Variants in AAGAB observed in about 807,000 individuals in gnomAD.
AAGAB encodes alpha and gamma adaptin binding protein.
In AAGAB, 38 loss-of-function variants were observed where a neutral mutation model predicts 44.1. That is an observed-to-expected ratio of 0.86 (90% CI 0.67 to 1.13). AAGAB has a LOEUF of 1.13. Among genes scored for constraint, AAGAB ranks in the 50% most tolerant of loss-of-function variants. The pLI, the probability that AAGAB is intolerant of heterozygous loss-of-function variation, is 0.00. For missense variants in AAGAB, 450 were observed against 373.8 expected (o/e 1.20, Z -1.68); for synonymous variants, 131 against 131.8 (o/e 0.99, Z 0.04).
intron 5 of AAGAB, among the ~76,000 whole-genome samples, chr15:67,225,882 T>C (rs1964192351): frequency 6.6e-6 from 1 of 152,218 alleles, no homozygotes; most frequent in African/African-American, 2.4e-5. Context: ...CTTCGGTATA[T>C]AGCTAGGAGT....
intron 7 of AAGAB, among the ~76,000 whole-genome samples, chr15:67,205,979 G>T (rs565348705): frequency 6.6e-6 from 1 of 152,090 alleles, no homozygotes; most frequent in African/African-American, 2.4e-5. Context: ...TATGACCATG[G>T]TACAATTATA....
At chr15:67,241,090 A>G (rs1964588379) in intron 1 of AAGAB, among the ~76,000 whole-genome samples, 2 of 149,650 alleles carry the variant, frequency 1.3e-5, no homozygotes, top group Admixed American at 1.3e-4. Flanking sequence ...ATATATAAAC[A>G]TGCACACACA....
chr15:67,219,519 G>A (rs1045525040), intron 5 of AAGAB, among the ~76,000 whole-genome samples: 1 of 152,166 alleles, frequency 6.6e-6, no homozygotes, highest in African/African-American at 2.4e-5. Context: ...ACAGCAGCAT[G>A]GGTGCAGCTG....
At chr15:67,224,315 T>G (rs956379030) in intron 5 of AAGAB, among the ~76,000 whole-genome samples, 1 of 152,132 alleles carries the variant, frequency 6.6e-6, no homozygotes, top group African/African-American at 2.4e-5. Context: ...AGAAGAAAAC[T>G]CAAATGGCCC....
chr15:67,203,183 GA>G (rs1379352153), intron 9 of AAGAB, among the ~76,000 whole-genome samples: 1 of 152,166 alleles, frequency 6.6e-6, no homozygotes, highest in East Asian at 1.9e-4. Flanking sequence ...GTCCAAAAGG[GA>G]ACAGGATAAA....
intron 5 of AAGAB, among the ~76,000 whole-genome samples, chr15:67,222,242 G>GCGCGCGCGCGCACACACACA (rs1367738219): frequency 2.2e-5 from 2 of 90,044 alleles, no homozygotes; most frequent in Admixed American, 1.4e-4. Flanking sequence ...GCGCGCGCGC[G>GCGCGCGCGCGCACACACACA]CACACACACA....
At chr15:67,208,680 A>T in intron 6 of AAGAB, 22 bp from the exon 7 acceptor site, 1 of 1,600,476 alleles carries the variant, frequency 6.2e-7, no homozygotes, top group Non-Finnish European at 8.6e-7. Context: ...AATACACATA[A>T]GCAACAATTT....
At chr15:67,226,172 G>C (rs1964200151) in intron 5 of AAGAB, among the ~76,000 whole-genome samples, 1 of 151,328 alleles carries the variant, frequency 6.6e-6, no homozygotes, top group Non-Finnish European at 1.5e-5. Context: ...TCACTCTGTT[G>C]CCCAGGCTGG....
chr15:67,239,870 G>C (rs186954316), intron 1 of AAGAB, among the ~76,000 whole-genome samples: 1 of 152,226 alleles, frequency 6.6e-6, no homozygotes, highest in African/African-American at 2.4e-5. Flanking sequence ...TATTCAAACT[G>C]TGCACATGGC....
intron 1 of AAGAB, among the ~76,000 whole-genome samples, chr15:67,248,830 AG>A (rs1391917019): frequency 6.6e-6 from 1 of 152,148 alleles, no homozygotes; most frequent in Non-Finnish European, 1.5e-5. Context: ...TGAGGACCGG[AG>A]GGTTATTTCT....
chr15:67,218,875 C>T (rs891932815), intron 5 of AAGAB, among the ~76,000 whole-genome samples: 1 of 152,200 alleles, frequency 6.6e-6, no homozygotes, highest in Non-Finnish European at 1.5e-5. Flanking sequence ...CCTTGAGCTA[C>T]AGCCAAACTT....
chr15:67,245,997 G>A (rs2140394609), intron 1 of AAGAB, among the ~76,000 whole-genome samples: 1 of 152,206 alleles, frequency 6.6e-6, no homozygotes, highest in Non-Finnish European at 1.5e-5. Context: ...TTCCACTTCT[G>A]TGTCAAACCA....
At chr15:67,223,666 C>A (rs1964135372) in intron 5 of AAGAB, among the ~76,000 whole-genome samples, 1 of 152,198 alleles carries the variant, frequency 6.6e-6, no homozygotes, top group South Asian at 2.1e-4. Context: ...CACAGAGCAG[C>A]CAGAGTGATC....
intron 1 of AAGAB, among the ~76,000 whole-genome samples, chr15:67,251,215 CGTGT>C (rs759231047): frequency 6.3e-5 from 9 of 143,624 alleles, no homozygotes; most frequent in Admixed American, 1.4e-4. Flanking sequence ...ATTTTAAGTG[CGTGT>C]GTGTGTGTGT....
chr15:67,242,429 CAAAAAAAAAAAAAAAAAAAAA>C (rs59817309), intron 1 of AAGAB, among the ~76,000 whole-genome samples: 2 of 58,756 alleles, frequency 3.4e-5, no homozygotes, highest in African/African-American at 5.5e-5. Flanking sequence ...GACTCCGTCT[CAAAAAAAAAAAAAAAAAAAAA>C]AAAAAAAAAA....
chr15:67,226,416 C>T (rs1157504929), intron 5 of AAGAB, among the ~76,000 whole-genome samples: 1 of 152,186 alleles, frequency 6.6e-6, no homozygotes, highest in Non-Finnish European at 1.5e-5. Flanking sequence ...GACACCATGC[C>T]TGGCCAACGT....
At chr15:67,221,653 G>C (rs182697266) in intron 5 of AAGAB, among the ~76,000 whole-genome samples, 73 of 152,340 alleles carry the variant, frequency 4.8e-4, no homozygotes, top group African/African-American at 1.7e-3. Flanking sequence ...AACGTCTTCA[G>C]AGGGCTTGTA....
At chr15:67,226,174 C>A (rs1323927898) in intron 5 of AAGAB, among the ~76,000 whole-genome samples, 2 of 151,844 alleles carry the variant, frequency 1.3e-5, no homozygotes, top group Admixed American at 1.3e-4. Context: ...ACTCTGTTGC[C>A]CAGGCTGGAG....
At chr15:67,204,225 C>T in intron 7 of AAGAB, 77 bp from the exon 8 acceptor site, 1 of 1,018,240 alleles carries the variant, frequency 9.8e-7, no homozygotes, top group Admixed American at 2.1e-5. Flanking sequence ...AAGGCAAATG[C>T]TAACCTTGAT....
Sources: allele counts gnomAD v4.1 joint callset (sites outside exome capture counted in the v4.1 genomes callset), GRCh38; gene constraint gnomAD v4.1.1; transcripts MANE v1.5; gene names NCBI Gene and HGNC (gene_info 2026-07-23, HGNC 2026-07-21).